Variants in CCDC170 observed in about 807,000 individuals in gnomAD.
CCDC170 encodes coiled-coil domain-containing protein 170.
In CCDC170, 69 loss-of-function variants were observed where a neutral mutation model predicts 72.6. The ratio of observed to expected loss-of-function variants is 0.95; its 90% CI spans 0.78 to 1.16. The LOEUF (loss-of-function observed/expected upper bound fraction) is 1.16, where lower values mean the gene tolerates loss of function less well. Among genes scored for constraint, CCDC170 ranks in the 50% most tolerant of loss-of-function variants. The pLI, the probability that CCDC170 is intolerant of heterozygous loss-of-function variation, is 0.00. For missense variants in CCDC170, 852 were observed against 832.5 expected (o/e 1.02, Z -0.29); for synonymous variants, 300 against 303.9 (o/e 0.99, Z 0.13).
intron 1 of CCDC170, among the ~76,000 whole-genome samples, chr6:151,506,913 C>T (rs1304579371): frequency 6.6e-6 from 1 of 152,174 alleles, no homozygotes; most frequent in Non-Finnish European, 1.5e-5. Flanking sequence ...TCAGTTCTTC[C>T]CTGGGTCTCG....
At chr6:151,606,016 C>T (rs1183326320) in intron 9 of CCDC170, among the ~76,000 whole-genome samples, 1 of 151,508 alleles carries the variant, frequency 6.6e-6, no homozygotes, top group Non-Finnish European at 1.5e-5. Context: ...ATTCTTCTTA[C>T]TCAGCCACCC....
intron 7 of CCDC170, among the ~76,000 whole-genome samples, chr6:151,587,089 G>A (rs1393595140): frequency 1.3e-5 from 2 of 152,084 alleles, no homozygotes; most frequent in Admixed American, 1.3e-4. Flanking sequence ...AGGCCACATT[G>A]CAGTATTTTA....
At position 151,586,655 on chromosome 6, in the gene CCDC170, G is replaced by A. The variant is rs186788405; in HGVS notation, c.1293+566G>A. 5.9e-5 allele frequency among the ~76,000 whole-genome samples: 9 copies of A among 151,956 alleles called. No homozygotes were observed. In the East Asian group the frequency reaches 1.4e-3, roughly 23 times the overall value. On this transcript the variant is annotated intron_variant, in intron 7 of 10. Transcript: ENST00000239374. ...TCCATGGCTGGAACATGTTATTCTCGGTGGATCTGTGGCAAGAGAAAAGAC... is the reference window on the plus strand; with the variant it reads ...TCCATGGCTGGAACATGTTATTCTCAGTGGATCTGTGGCAAGAGAAAAGAC...
Position 151,592,220 on chromosome 6 carries a change from C to T in CCDC170, c.1294-887C>T, listed in dbSNP as rs543570781. 7.2e-5 allele frequency among the ~76,000 whole-genome samples: 11 copies of T among 152,146 alleles called. No individual in the cohort carries two copies. In the East Asian group the frequency reaches 1.6e-3, roughly 21 times the overall value. On this transcript the variant is annotated intron_variant, in intron 7 of 10. Transcript: ENST00000239374. ...TAAAAATACAAAAAAATTAGCCAGG[C>T]ATGGTGGCACGTGCCTGTAATCCCA...
At chr6:151,537,623 T>C (rs978414127) in intron 2 of CCDC170, among the ~76,000 whole-genome samples, 5 of 152,224 alleles carry the variant, frequency 3.3e-5, no homozygotes, top group African/African-American at 1.2e-4. Context: ...TATAGTGATA[T>C]ACTGAGTAGT....
At position 151,571,591 on chromosome 6, in the gene CCDC170, G is replaced by A. The variant is rs566994093; in HGVS notation, c.775-1583G>A. The stretch of plus-strand genomic sequence containing the variant: ...AAAAATACAAAATTAGCTGGGCGTG[G>A]TGGCACTTGCCTGTAATCCCATCTA... On this transcript the variant is annotated intron_variant, in intron 5 of 10. Coordinates refer to ENST00000239374, the MANE Select transcript of CCDC170 (RefSeq NM_025059.4). Among the ~76,000 whole-genome samples the A allele has an allele frequency of 5.3e-5, 8 of 152,270 alleles. No individual in the cohort carries two copies. The South Asian group carries it at 1.5e-3, about 28-fold the overall frequency.
intron 1 of CCDC170, among the ~76,000 whole-genome samples, chr6:151,507,618 T>C (rs1782083406): frequency 6.6e-6 from 1 of 152,130 alleles, no homozygotes; most frequent in Admixed American, 6.6e-5. Flanking sequence ...AGAAACATTA[T>C]GTAGAAAACA....
chr6:151,511,872 G>T lies in CCDC170; in HGVS notation c.57+17687G>T, dbSNP rs894028985. Among the ~76,000 whole-genome samples the T allele has an allele frequency of 7.9e-5, 12 of 152,172 alleles. No individual in the cohort carries two copies. In the East Asian group the frequency reaches 2.1e-3, roughly 27 times the overall value. ...ATATCTTTTTTATTTTTGAGACAGGGTCTCAGTCTCTGCCACCCAGACTGG... is the reference window on the plus strand; with the variant it reads ...ATATCTTTTTTATTTTTGAGACAGGTTCTCAGTCTCTGCCACCCAGACTGG... On this transcript the variant is annotated intron_variant, in intron 1 of 10. Transcript: ENST00000239374.
At chr6:151,561,226 C>T (rs974299327) in intron 5 of CCDC170, among the ~76,000 whole-genome samples, 13 of 151,968 alleles carry the variant, frequency 8.6e-5, no homozygotes, top group African/African-American at 2.2e-4. Flanking sequence ...TCCAATTATA[C>T]TCTTTTAGTT....
intron 4 of CCDC170, 122 bp from the exon 5 acceptor site, chr6:151,548,182 C>G (rs1782807361): frequency 2.5e-6 from 2 of 799,480 alleles, no homozygotes; most frequent in East Asian, 6.0e-5. Context: ...CCTTTCCAGT[C>G]CATGTAGGGA....
At chr6:151,571,564 C>G (rs1033944632) in intron 5 of CCDC170, among the ~76,000 whole-genome samples, 5 of 152,120 alleles carry the variant, frequency 3.3e-5, no homozygotes, top group Non-Finnish European at 5.9e-5. Flanking sequence ...CCTGTCTCTA[C>G]TAAAAATACA....
chr6:151,539,244 A>G (rs1583016448), intron 3 of CCDC170, among the ~76,000 whole-genome samples: 1 of 144,858 alleles, frequency 6.9e-6, no homozygotes, highest in Non-Finnish European at 1.5e-5. Context: ...CTGGGCAACA[A>G]AGAGAGACTC....
intron 1 of CCDC170, among the ~76,000 whole-genome samples, chr6:151,513,707 C>T (rs1782183245): frequency 1.3e-5 from 2 of 149,826 alleles, no homozygotes. Context: ...CATTTGAGGT[C>T]AGGGGTTCTA....
At chr6:151,528,440 GAC>G (rs1782444211) in intron 1 of CCDC170, among the ~76,000 whole-genome samples, 1 of 152,182 alleles carries the variant, frequency 6.6e-6, no homozygotes, top group African/African-American at 2.4e-5. Context: ...TCTTCATAAA[GAC>G]ACAGCATAGC....
rs1781913955 is a variant in CCDC170 at position 151,496,442 on chromosome 6, A to C, written c.57+2257A>C. Among the ~76,000 whole-genome samples the C allele has an allele frequency of 2.6e-5, 4 of 152,370 alleles. No homozygotes were observed. The South Asian group carries it at 8.3e-4, about 32-fold the overall frequency. ...ATAACTAAATTTTATTGAGAACAAA[A>C]GTAGCTGCAGAAAAGGCAGCATTTA... On this transcript the variant is annotated intron_variant, in intron 1 of 10. Coordinates refer to ENST00000239374, the MANE Select transcript of CCDC170 (RefSeq NM_025059.4).
At chr6:151,512,232 C>T (rs1275597933) in intron 1 of CCDC170, among the ~76,000 whole-genome samples, 5 of 149,688 alleles carry the variant, frequency 3.3e-5, no homozygotes, top group Non-Finnish European at 5.9e-5. Flanking sequence ...TAATCTAGGC[C>T]CACTGCAGCC....
intron 1 of CCDC170, among the ~76,000 whole-genome samples, chr6:151,533,746 T>C (rs1782531228): frequency 1.3e-5 from 2 of 152,194 alleles, no homozygotes; most frequent in Non-Finnish European, 2.9e-5. Flanking sequence ...TTTTCCTTTG[T>C]TAGCTGCCTT....
chr6:151,558,232 GTTTTTT>G (rs55648936), intron 5 of CCDC170, among the ~76,000 whole-genome samples: 2 of 70,870 alleles, frequency 2.8e-5, no homozygotes, highest in Non-Finnish European at 5.2e-5. Context: ...TGAGATTAGT[GTTTTTT>G]TTTTTTTTTT....
intron 1 of CCDC170, among the ~76,000 whole-genome samples, chr6:151,518,671 G>A (rs1874415): frequency 0.089 from 13,472 of 152,130 alleles, 811 homozygotes; most frequent in East Asian, 0.19. Flanking sequence ...ATATTTCAAC[G>A]TAGGTTCTTT....
Sources: allele counts gnomAD v4.1 joint callset (sites outside exome capture counted in the v4.1 genomes callset), GRCh38; gene constraint gnomAD v4.1.1; transcripts MANE v1.5; gene names NCBI Gene and HGNC (gene_info 2026-07-23, HGNC 2026-07-21).